ERCC6L2: variants seen among roughly 807,000 people sequenced by gnomAD.
ERCC6L2 encodes the protein ERCC excision repair 6 like 2, also known as DNA excision repair protein ERCC-6-like 2.
A neutral mutation model predicts 132.0 loss-of-function variants in ERCC6L2; 77 were observed. That is an observed-to-expected ratio of 0.58 (90% CI 0.49 to 0.71). The LOEUF (loss-of-function observed/expected upper bound fraction) is 0.71. Among genes scored for constraint, ERCC6L2 ranks in the 30% least tolerant of loss-of-function variants. ERCC6L2 has a pLI of 0.00. For synonymous variants in ERCC6L2, 583 were observed against 632.4 expected, an observed-to-expected ratio of 0.92 and a Z score of 1.17; for missense variants, 1,542 against 1,837.6, an observed-to-expected ratio of 0.84 and a Z score of 2.94.
intron 2 of ERCC6L2, among the ~76,000 whole-genome samples, chr9:95,884,174 TCTG>T (rs1827743414): frequency 6.6e-6 from 1 of 152,144 alleles, no homozygotes; most frequent in Non-Finnish European, 1.5e-5. Flanking sequence ...GGGAGTACCG[TCTG>T]AAGATTAGGA....
At chr9:96,000,879 GT>G (rs1833646377) in intron 17 of ERCC6L2, among the ~76,000 whole-genome samples, 1 of 152,328 alleles carries the variant, frequency 6.6e-6, no homozygotes, top group Admixed American at 6.5e-5. Flanking sequence ...TGGGTTCTTG[GT>G]CTCACTGACT....
chr9:95,929,077 GT>G, intron 11 of ERCC6L2: 1 of 348,000 alleles, frequency 2.9e-6, no homozygotes, highest in Non-Finnish European at 5.1e-6. Flanking sequence ...AGAAGTCTGG[GT>G]TTATAAAGGT....
chr9:96,011,779 A>G (rs1045821176), intron 18 of ERCC6L2, among the ~76,000 whole-genome samples: 6 of 152,124 alleles, frequency 3.9e-5, no homozygotes, highest in African/African-American at 7.3e-5. Context: ...GAGGGAAGGG[A>G]AAAAAATGTC....
intron 2 of ERCC6L2, among the ~76,000 whole-genome samples, chr9:95,883,943 C>T (rs1010498989): frequency 2.0e-5 from 3 of 152,186 alleles, no homozygotes; most frequent in Non-Finnish European, 4.4e-5. Flanking sequence ...AAATACAATT[C>T]GAATTCAAAT....
chr9:95,983,265 T>C (rs1389206352), intron 17 of ERCC6L2, among the ~76,000 whole-genome samples: 1 of 152,198 alleles, frequency 6.6e-6, no homozygotes, highest in African/African-American at 2.4e-5. Context: ...GAGAAAAATG[T>C]TTTTGAAAGG....
In ERCC6L2 at chr9:96,012,701, C is replaced by G. The variant is rs1386055145; in HGVS notation, c.4151C>G (p.Ser1384Cys). The change falls in exon 19 of 19, where the codon TCT becomes TGT. Residue 1384 changes from serine to cysteine, a missense_variant. This residue lies in a region of ERCC6L2 where 442 missense variants were observed against 583.4 expected (regional missense o/e 0.76). Transcript: ENST00000653738. ...TCCGAAGATACTGTGACATCCCGTT[C>G]TCTGAACAGTGAGTCTGAAACACGT... ...QASEDTVTSRSLNSESETRER... is the reference protein window; with the variant it reads ...QASEDTVTSRCLNSESETRER... 2.9e-6 allele frequency: 4 copies of G among 1,367,454 alleles called. No individual in the cohort carries two copies. In the African/African-American group the frequency reaches 4.4e-5, roughly 15 times the overall value. 84.7% of individuals were successfully genotyped at this position (1,367,454 alleles called of 1,614,324 possible). A position where few individuals can be genotyped will look rare whatever the true frequency, so the allele number is the denominator to read the frequency against.
intron 20 of ERCC6L2, among the ~76,000 whole-genome samples, chr9:96,040,326 C>T (rs1051319314): frequency 9.2e-5 from 14 of 152,274 alleles, no homozygotes; most frequent in African/African-American, 2.9e-4. Context: ...GGTCACGAGA[C>T]GTGACCTGGA....
chr9:95,892,273 C>T (rs1177778229), intron 2 of ERCC6L2, among the ~76,000 whole-genome samples: 1 of 151,782 alleles, frequency 6.6e-6, no homozygotes, highest in African/African-American at 2.4e-5. Context: ...CTTATTTTAC[C>T]ATTCCTCTAG....
intron 16 of ERCC6L2, among the ~76,000 whole-genome samples, chr9:95,977,181 T>C (rs1009079818): frequency 6.6e-6 from 1 of 152,110 alleles, no homozygotes; most frequent in Non-Finnish European, 1.5e-5. Context: ...TCTGAGTAAA[T>C]TTTCTGCCAT....
intron 4 of ERCC6L2, among the ~76,000 whole-genome samples, chr9:95,908,250 T>C (rs1269779912): frequency 6.6e-6 from 1 of 152,140 alleles, no homozygotes; most frequent in Non-Finnish European, 1.5e-5. Context: ...GTCTCTTTGA[T>C]TAAGTTTTAA....
chr9:95,962,672 A>T (rs1323232407), intron 13 of ERCC6L2, among the ~76,000 whole-genome samples: 1 of 152,166 alleles, frequency 6.6e-6, no homozygotes, highest in East Asian at 1.9e-4. Context: ...ACTGTCCCTG[A>T]TTTATGACAT....
chr9:95,901,136 T>C (rs1370161790), intron 3 of ERCC6L2, among the ~76,000 whole-genome samples: 1 of 152,146 alleles, frequency 6.6e-6, no homozygotes. Context: ...TCACACTTGA[T>C]TATCCATAGG....
rs372880693 is a variant in ERCC6L2 at position 95,933,459 on chromosome 9, G to T, written c.1751+4595G>T. 8.5e-5 allele frequency among the ~76,000 whole-genome samples: 13 copies of T among 152,222 alleles called. No homozygotes were observed. In the South Asian group the frequency reaches 2.7e-3, roughly 32 times the overall value. ...CAATCAGGACATTTGGGTTTGAATCGAGACACTTGCTACTTAGGAGACCTT... is the reference window on the plus strand; with the variant it reads ...CAATCAGGACATTTGGGTTTGAATCTAGACACTTGCTACTTAGGAGACCTT... On this transcript the variant is annotated intron_variant, in intron 11 of 18. Coordinates refer to ENST00000653738, the MANE Select transcript of ERCC6L2 (RefSeq NM_020207.7).
intron 17 of ERCC6L2, among the ~76,000 whole-genome samples, chr9:95,992,685 A>G (rs1171316646): frequency 6.6e-6 from 1 of 152,176 alleles, no homozygotes; most frequent in African/African-American, 2.4e-5. Flanking sequence ...TTCCCCAGAC[A>G]CTGGAGAGCC....
At position 95,972,600 on chromosome 9, in the gene ERCC6L2, A is replaced by G. The variant is rs1419096122; in HGVS notation, c.2849A>G (p.Asp950Gly). ...RNNDNSRNTD[D>G]KRNGIISKKL... ...AATGATAATAGTCGAAACACTGATG[A>G]CAAAAGAAATGGAATAATTTCAAAA... Residue 950 changes from aspartate to glycine, a missense_variant, in exon 16 of 19, where the codon GAC (aspartate) becomes GGC (glycine). Around this residue, in one of 4 missense-constraint regions of ERCC6L2, gnomAD observed 945 missense variants for 1,105.2 expected, o/e 0.86. Coordinates refer to ENST00000653738, the MANE Select transcript of ERCC6L2 (RefSeq NM_020207.7). 2.9e-5 allele frequency: 38 copies of G among 1,289,442 alleles called. No individual in the cohort carries two copies. The highest frequency in any genetic ancestry group is 3.7e-5 in the Non-Finnish European group (37 of 988,672). 79.9% of individuals were successfully genotyped at this position (1,289,442 alleles called of 1,614,324 possible).
At chr9:95,923,653 G>A (rs957152031) in intron 9 of ERCC6L2, among the ~76,000 whole-genome samples, 3 of 152,114 alleles carry the variant, frequency 2.0e-5, no homozygotes, top group African/African-American at 7.2e-5. Flanking sequence ...CTTAAAATGC[G>A]TGTGCTGTTA....
chr9:95,957,868 ATGTTTT>A, intron 13 of ERCC6L2, among the ~76,000 whole-genome samples: 1 of 149,326 alleles, frequency 6.7e-6, no homozygotes, highest in African/African-American at 2.5e-5. Context: ...TCCAAAAATT[ATGTTTT>A]TGTTTTTTTT....
At chr9:95,968,229 ACC>A (rs1832253948) in intron 14 of ERCC6L2, 5 of 152,212 alleles carry the variant, frequency 3.3e-5, no homozygotes, top group Non-Finnish European at 7.4e-5. Context: ...TAATGACAGG[ACC>A]ATCCATGTCT....
intron 11 of ERCC6L2, among the ~76,000 whole-genome samples, chr9:95,930,204 C>T (rs1830276283): frequency 6.6e-6 from 1 of 151,610 alleles, no homozygotes; most frequent in Non-Finnish European, 1.5e-5. Context: ...TCTGGAAATC[C>T]TTTGGAGACC....
Sources: allele counts gnomAD v4.1 joint callset (sites outside exome capture counted in the v4.1 genomes callset), GRCh38; gene constraint gnomAD v4.1.1; regional missense constraint gnomAD v4.1.1; transcripts MANE v1.5; gene names NCBI Gene and HGNC (gene_info 2026-07-23, HGNC 2026-07-21).